PARD3B: variants seen among roughly 807,000 people sequenced by gnomAD.
PARD3B encodes the protein par-3 family cell polarity regulator beta.
In PARD3B, 103 loss-of-function variants were observed where a neutral mutation model predicts 130.2. That is an observed-to-expected ratio of 0.79 (90% CI 0.67 to 0.93). The LOEUF (loss-of-function observed/expected upper bound fraction) is 0.93. PARD3B is among the 40% of genes least tolerant of loss of function. The probability of loss-of-function intolerance (pLI) is 0.00; values close to 1 mark genes in which losing one functional copy is unlikely to be tolerated. For missense variants in PARD3B, 1,609 were observed against 1,499.2 expected (o/e 1.07, Z -1.21); for synonymous variants, 583 against 553.2 (o/e 1.05, Z -0.76).
At position 204,957,173 on chromosome 2, in the gene PARD3B, A is replaced by G. The variant is rs76896576; in HGVS notation, c.223-7979A>G. The stretch of plus-strand genomic sequence containing the variant: ...CATATCATCTTTGAAATTTTAATTC[A>G]AGTCAGAGAAAAAAATGTGATTCAA... On this transcript the variant is annotated intron_variant, in intron 2 of 22. Coordinates refer to ENST00000406610, the MANE Select transcript of PARD3B (RefSeq NM_001302769.2). Among the ~76,000 whole-genome samples the G allele has an allele frequency of 5.4e-3, 830 of 152,342 alleles. 11 individuals are homozygous for G. Among genetic ancestry groups the G allele is most frequent in the African/African-American group, 0.019 (785 of 41,582 alleles).
intron 1 of PARD3B, among the ~76,000 whole-genome samples, chr2:204,561,582 C>A (rs1488968060): frequency 6.6e-6 from 1 of 151,160 alleles, no homozygotes; most frequent in Non-Finnish European, 1.5e-5. Context: ...CCTATGTACT[C>A]ATCTCCCTTG....
intron 18 of PARD3B, among the ~76,000 whole-genome samples, chr2:205,347,310 T>TAAAAAA (rs1239417073): frequency 1.3e-5 from 2 of 152,102 alleles, no homozygotes; most frequent in Non-Finnish European, 2.9e-5. Flanking sequence ...TTGTCTTCTT[T>TAAAAAA]AAAAAATAAA....
rs550226335 is a variant in PARD3B at position 204,664,031 on chromosome 2, T to A, written c.121-22150T>A. On this transcript the variant is annotated intron_variant, in intron 1 of 22. Transcript: ENST00000406610. The surrounding 1 kb of genome is among the most constrained non-coding windows in gnomAD (Gnocchi z 5.2). ...TCCAAACATGACAGTAAACTCATAT[T>A]GTTCAAAGAATAGGGCCCTTAATTG... is the stretch of plus-strand genomic sequence containing the variant. Among the ~76,000 whole-genome samples, 4 of 152,294 alleles carry A rather than the reference T, an allele frequency of 2.6e-5. No homozygotes were observed. The highest frequency in any genetic ancestry group is 6.5e-5 in the Admixed American group (1 of 15,300).
At chr2:204,646,143 A>G (rs973440801) in intron 1 of PARD3B, among the ~76,000 whole-genome samples, 32 of 152,156 alleles carry the variant, frequency 2.1e-4, no homozygotes, top group Admixed American at 7.2e-4. Context: ...TACTTTAAAT[A>G]GAAGCTATAA....
intron 2 of PARD3B, among the ~76,000 whole-genome samples, chr2:204,867,203 G>C (rs1234999641): frequency 6.6e-6 from 1 of 151,448 alleles, no homozygotes; most frequent in Admixed American, 6.6e-5. Flanking sequence ...CTGAACTTTT[G>C]ACCTAATTAG....
At chr2:205,003,953 A>G (rs1203051145) in intron 3 of PARD3B, among the ~76,000 whole-genome samples, 1 of 152,210 alleles carries the variant, frequency 6.6e-6, no homozygotes, top group Non-Finnish European at 1.5e-5. Context: ...CACTCAGAAT[A>G]CACCAAAAAG....
intron 2 of PARD3B, among the ~76,000 whole-genome samples, chr2:204,718,784 G>A (rs1269269941): frequency 6.6e-6 from 1 of 152,160 alleles, no homozygotes; most frequent in Admixed American, 6.5e-5. Flanking sequence ...ACAAGCCCTT[G>A]GCTGCCTTTG....
intron 15 of PARD3B, among the ~76,000 whole-genome samples, chr2:205,212,714 A>C (rs765741407): frequency 6.6e-6 from 1 of 152,140 alleles, no homozygotes; most frequent in African/African-American, 2.4e-5. Context: ...CAGCACTGCA[A>C]TATGCCTCCA....
At chr2:205,226,731 TG>T (rs772896558) in intron 15 of PARD3B, among the ~76,000 whole-genome samples, 1 of 152,224 alleles carries the variant, frequency 6.6e-6, no homozygotes, top group Non-Finnish European at 1.5e-5. Flanking sequence ...TCTAGTTTTA[TG>T]CCAGGATCAT....
intron 2 of PARD3B, among the ~76,000 whole-genome samples, chr2:204,930,901 T>C (rs1687980196): frequency 6.6e-6 from 1 of 152,110 alleles, no homozygotes; most frequent in Non-Finnish European, 1.5e-5. Context: ...AAAACCACGA[T>C]GAACACTTGA....
At chr2:204,826,822 C>G (rs1405317347) in intron 2 of PARD3B, among the ~76,000 whole-genome samples, 1 of 151,934 alleles carries the variant, frequency 6.6e-6, no homozygotes, top group Non-Finnish European at 1.5e-5. Context: ...GAGTGGGAGA[C>G]CAGCCTGGGC....
chr2:205,599,519 T>C lies in PARD3B; in HGVS notation c.3261-15937T>C, dbSNP rs546677280. Among the ~76,000 whole-genome samples, 80 of 152,012 alleles carry C rather than the reference T, an allele frequency of 5.3e-4. 1 individual carries two copies. The highest frequency in any genetic ancestry group is 1.2e-3 in the South Asian group (6 of 4,806). ...AGACCAGACAGCAAGGAAAAAGGAGTTGGGCTCAAATCTGCATCCCCAGTT... is the reference window on the plus strand; with the variant it reads ...AGACCAGACAGCAAGGAAAAAGGAGCTGGGCTCAAATCTGCATCCCCAGTT... On this transcript the variant is annotated intron_variant, in intron 22 of 22. Coordinates refer to ENST00000406610, the MANE Select transcript of PARD3B (RefSeq NM_001302769.2).
intron 2 of PARD3B, among the ~76,000 whole-genome samples, chr2:204,847,282 G>T (rs2044503523): frequency 6.7e-6 from 1 of 150,284 alleles, no homozygotes; most frequent in South Asian, 2.1e-4. Context: ...GCTTTGACTA[G>T]AAGCCACCAT....
At chr2:205,464,175 C>A (rs2048545184) in intron 20 of PARD3B, among the ~76,000 whole-genome samples, 1 of 151,968 alleles carries the variant, frequency 6.6e-6, no homozygotes, top group African/African-American at 2.4e-5. Flanking sequence ...AGGTTGGTTC[C>A]TTGGAAAAAG....
At chr2:204,947,492 A>G (rs1053240392) in intron 2 of PARD3B, among the ~76,000 whole-genome samples, 8 of 152,174 alleles carry the variant, frequency 5.3e-5, no homozygotes, top group Non-Finnish European at 8.8e-5. Flanking sequence ...AGTGGGAACT[A>G]CAGTACATAG....
chr2:204,686,106 T>C lies in PARD3B; in HGVS notation c.121-75T>C, dbSNP rs1042923020. Reference sequence around the variant, plus strand: ...AACATATTTTTAACAAGTTAACTTATGTCTCTTAACATTAAAATGTGTTTA... The same window carrying C: ...AACATATTTTTAACAAGTTAACTTACGTCTCTTAACATTAAAATGTGTTTA... On this transcript the variant is annotated intron_variant, in intron 1 of 22. Transcript: ENST00000406610. 8.1e-6 allele frequency: 8 copies of C among 991,376 alleles called. No individual in the cohort carries two copies. In the Admixed American group the frequency reaches 1.2e-4, roughly 14 times the overall value. 61.4% of individuals were successfully genotyped at this position (991,376 alleles called of 1,614,324 possible).
At chr2:205,377,530 A>G (rs1574849058) in intron 18 of PARD3B, among the ~76,000 whole-genome samples, 1 of 152,188 alleles carries the variant, frequency 6.6e-6, no homozygotes, top group East Asian at 1.9e-4. Flanking sequence ...AGATGAGCCT[A>G]AAAGGATGGG....
intron 11 of PARD3B, among the ~76,000 whole-genome samples, chr2:205,161,416 A>T (rs1211297261): frequency 6.6e-6 from 1 of 152,168 alleles, no homozygotes; most frequent in Non-Finnish European, 1.5e-5. Flanking sequence ...TCATGAACTT[A>T]GCCTTCTTGT....
intron 2 of PARD3B, among the ~76,000 whole-genome samples, chr2:204,687,731 A>G (rs2037155391): frequency 6.6e-6 from 1 of 152,178 alleles, no homozygotes; most frequent in African/African-American, 2.4e-5. Flanking sequence ...CTTCTTCCCT[A>G]GGGATCATCT....
Sources: allele counts gnomAD v4.1 joint callset (sites outside exome capture counted in the v4.1 genomes callset), GRCh38; gene constraint gnomAD v4.1.1; non-coding constraint Gnocchi (gnomAD v3.1); transcripts MANE v1.5; gene names NCBI Gene and HGNC (gene_info 2026-07-23, HGNC 2026-07-21).